NEMF: variants seen among roughly 807,000 people sequenced by gnomAD.
NEMF encodes the protein ribosome quality control complex subunit NEMF.
Under a neutral mutation model 162.2 loss-of-function variants are expected in NEMF, and 89 were observed. That is an observed-to-expected ratio of 0.55 (90% CI 0.46 to 0.65). The LOEUF is 0.65. Among genes scored for constraint, NEMF ranks in the 30% least tolerant of loss-of-function variants. The probability of loss-of-function intolerance (pLI) is 0.00; values close to 1 mark genes in which losing one functional copy is unlikely to be tolerated. For synonymous variants in NEMF, 421 were observed against 404.5 expected (o/e 1.04, Z -0.49); for missense variants, 1,133 against 1,261.9 (o/e 0.90, Z 1.55).
At chr14:49,834,974 A>G (rs1324645772) in intron 6 of NEMF, among the ~76,000 whole-genome samples, 1 of 152,162 alleles carries the variant, frequency 6.6e-6, no homozygotes, top group Non-Finnish European at 1.5e-5. Context: ...CAAGGCAGGC[A>G]GATCACCTGA....
At chr14:49,843,323 G>C (rs1893309459) in intron 4 of NEMF, among the ~76,000 whole-genome samples, 1 of 151,962 alleles carries the variant, frequency 6.6e-6, no homozygotes, top group Non-Finnish European at 1.5e-5. Flanking sequence ...GTGAGAGTCT[G>C]TCTCTACAAA....
chr14:49,822,122 G>A lies in NEMF; in HGVS notation c.1577+3745C>T, dbSNP rs537442626. On this transcript the variant is annotated intron_variant, in intron 16 of 32. Coordinates refer to ENST00000298310, the MANE Select transcript of NEMF (RefSeq NM_004713.6). ...GATGCTTGAAGGCAGCATGCTCGTT[G>A]AGAGTCATCACCACTCCCCAATCTC... 1.3e-4 allele frequency among the ~76,000 whole-genome samples: 19 copies of A among 151,962 alleles called. No homozygotes were observed. The South Asian group carries it at 3.5e-3, about 28-fold the overall frequency.
At chr14:49,833,721 T>A (rs1594789554) in intron 7 of NEMF, among the ~76,000 whole-genome samples, 1 of 152,322 alleles carries the variant, frequency 6.6e-6, no homozygotes. Context: ...CACCTTTCCC[T>A]CCATGACCTG....
intron 11 of NEMF, 131 bp from the exon 12 acceptor site, chr14:49,829,557 C>G (rs1892537391): frequency 1.4e-6 from 1 of 735,454 alleles, no homozygotes; most frequent in African/African-American, 1.8e-5. Context: ...TTCCCATAGT[C>G]TACCACCCTA....
chr14:49,783,932 T>C lies in NEMF; in HGVS notation c.*704A>G, dbSNP rs1890035836. 6.6e-6 allele frequency: 1 copy of C among 152,162 alleles called. No homozygotes were observed. The highest frequency in any genetic ancestry group is 1.5e-5 in the Non-Finnish European group (1 of 68,012). The allele number at this position is 152,162 out of a possible 1,614,324, so 9.4% of individuals were successfully genotyped here. A position where few individuals can be genotyped will look rare whatever the true frequency, so the allele number is the denominator to read the frequency against. On this transcript the variant is annotated 3_prime_UTR_variant, in exon 33 of 33. Coordinates refer to ENST00000298310, the MANE Select transcript of NEMF (RefSeq NM_004713.6). ...AGTTTTCAAGACACAATCCTAAATA[T>C]TTAAACCCCTTGTAGCTGGCCTATA...
intron 6 of NEMF, among the ~76,000 whole-genome samples, chr14:49,836,333 AG>A (rs1892902630): frequency 6.6e-6 from 1 of 152,128 alleles, no homozygotes; most frequent in Non-Finnish European, 1.5e-5. Flanking sequence ...TTTCATAGAA[AG>A]TAACAAGTCA....
chr14:49,848,111 C>T (rs1893600628), intron 3 of NEMF, among the ~76,000 whole-genome samples: 2 of 151,928 alleles, frequency 1.3e-5, no homozygotes, highest in South Asian at 4.2e-4. Flanking sequence ...CAAGCAATCT[C>T]CCACCTTAGC....
At chr14:49,796,252 G>A (rs1202513168) in intron 25 of NEMF, 1 of 490,232 alleles carries the variant, frequency 2.0e-6, no homozygotes. Context: ...CAGGCACTGG[G>A]ATTTGTAGTC....
intron 26 of NEMF, among the ~76,000 whole-genome samples, chr14:49,789,926 G>A (rs986397708): frequency 1.6e-4 from 24 of 152,142 alleles, no homozygotes; most frequent in African/African-American, 5.6e-4. Context: ...ACACATGGAG[G>A]AAGAACAGGA....
chr14:49,799,871 G>A (rs1056212086), intron 23 of NEMF, among the ~76,000 whole-genome samples, 193 bp from the exon 24 acceptor site: 8 of 152,174 alleles, frequency 5.3e-5, no homozygotes, highest in East Asian at 1.9e-4. Context: ...AATAGGTGAC[G>A]TGTATTGAAA....
chr14:49,802,444 ATAAAC>A lies in NEMF; in HGVS notation c.2095+4_2095+8del. 1 of 1,610,930 alleles carries A rather than the reference ATAAAC, an allele frequency of 6.2e-7. No individual in the cohort carries two copies. Among genetic ancestry groups the A allele is most frequent in the African/African-American group, 1.3e-5 (1 of 74,886 alleles). ...ATCACAAGCTAATTTCTTAAAATCT[ATAAAC>A]TACCTAATTGTTCCATTTCTTCTGA... On this transcript the variant is annotated splice_donor_5th_base_variant and intron_variant, in intron 22 of 32. Transcript: ENST00000298310.
intron 25 of NEMF, 113 bp from the exon 26 acceptor site, chr14:49,796,057 G>A: frequency 4.2e-6 from 3 of 708,670 alleles, no homozygotes; most frequent in East Asian, 2.6e-5. Context: ...CATGGCTTCT[G>A]CTTCACTTGA....
intron 19 of NEMF, among the ~76,000 whole-genome samples, chr14:49,804,796 G>A (rs192739270): frequency 3.2e-4 from 49 of 152,066 alleles, no homozygotes; most frequent in Admixed American, 9.2e-4. Flanking sequence ...TTTGGGAGGC[G>A]GAAGCAGGAG....
intron 22 of NEMF, chr14:49,801,260 T>C (rs1890939616): frequency 6.6e-6 from 1 of 152,340 alleles, no homozygotes; most frequent in Admixed American, 6.5e-5. Flanking sequence ...GAGGCCGAGG[T>C]GGGTGGATCA....
rs768988729 is a variant in NEMF at position 49,789,286 on chromosome 14, C to T, written c.2755G>A (p.Asp919Asn). 1.1e-5 allele frequency: 17 copies of T among 1,614,142 alleles called. No homozygotes were observed. Among genetic ancestry groups the T allele is most frequent in the Non-Finnish European group, 1.4e-5 (16 of 1,180,026 alleles). Residue 919 changes from aspartate (D) to asparagine (N), a missense_variant, in exon 28 of 33, where the codon GAC (aspartate) becomes AAC (asparagine). Transcript: ENST00000298310. ...TGGGGCTGTTTCTTCACAGGTTCGT[C>T]CTTTGTTTTTCCTTTCTTCCCCTTC... ...GKKGKKGKTK[D>N]EPVKKQPQKP...
intron 3 of NEMF, among the ~76,000 whole-genome samples, chr14:49,848,855 GACTT>G (rs1893639297): frequency 1.1e-5 from 1 of 91,150 alleles, no homozygotes; most frequent in Non-Finnish European, 2.4e-5. Context: ...AAAAAAAAAA[GACTT>G]AAATACGAAA....
chr14:49,820,918 T>C (rs1436385622), intron 16 of NEMF, among the ~76,000 whole-genome samples: 1 of 151,940 alleles, frequency 6.6e-6, no homozygotes, highest in Non-Finnish European at 1.5e-5. Flanking sequence ...GTTAACTCAG[T>C]GCTCCCCACC....
chr14:49,793,511 A>C (rs918853188), intron 26 of NEMF, among the ~76,000 whole-genome samples: 3 of 152,218 alleles, frequency 2.0e-5, no homozygotes, highest in African/African-American at 7.2e-5. Flanking sequence ...AGGAAGACTC[A>C]AAGTGGTAAA....
At chr14:49,792,139 T>G (rs2139833790) in intron 26 of NEMF, among the ~76,000 whole-genome samples, 1 of 149,862 alleles carries the variant, frequency 6.7e-6, no homozygotes, top group African/African-American at 2.5e-5. Context: ...TAAGACCCAG[T>G]CTAAAAAAAA....
Sources: gnomAD v4.1 joint callset for allele counts (sites outside exome capture counted in the v4.1 genomes callset) on GRCh38, gnomAD v4.1.1 for gene constraint, MANE v1.5 for transcripts, NCBI Gene and HGNC (gene_info 2026-07-23, HGNC 2026-07-21) for gene names.